NRXN1: variants seen among roughly 807,000 people sequenced by gnomAD.
The protein encoded by NRXN1 is neurexin 1.
A neutral mutation model predicts 150.9 loss-of-function variants in NRXN1; 39 were observed. The observed-to-expected ratio is 0.26, with a 90% CI of 0.20 to 0.34. The LOEUF is 0.34. NRXN1 is among the 10% of genes least tolerant of loss of function. The pLI is 1.00. For missense variants in NRXN1, 1,815 were observed against 1,949.9 expected, an observed-to-expected ratio of 0.93 and a Z score of 1.30; for synonymous variants, 924 against 757.0, an observed-to-expected ratio of 1.22 and a Z score of -3.62.
At chr2:50,540,217 G>T (rs2093357751) in intron 9 of NRXN1, among the ~76,000 whole-genome samples, 1 of 152,138 alleles carries the variant, frequency 6.6e-6, no homozygotes, top group African/African-American at 2.4e-5. Flanking sequence ...TTCCAATGAG[G>T]GGAGCAAAAT....
chr2:50,660,737 C>G (rs1687176929), intron 5 of NRXN1, among the ~76,000 whole-genome samples: 1 of 152,024 alleles, frequency 6.6e-6, no homozygotes, highest in African/African-American at 2.4e-5. Flanking sequence ...CTGGCTGTCT[C>G]TGACTTGAAT....
intron 17 of NRXN1, chr2:50,312,753 T>A (rs1367991479): frequency 1.9e-6 from 1 of 516,968 alleles, no homozygotes; most frequent in Non-Finnish European, 3.9e-6. Flanking sequence ...CAAATACATA[T>A]GTTGCAATTT....
intron 13 of NRXN1, among the ~76,000 whole-genome samples, chr2:50,504,113 TA>T: frequency 1.6e-5 from 2 of 121,696 alleles, no homozygotes; most frequent in East Asian, 4.7e-4. Context: ...TGTTCTAGAT[TA>T]AAGGAGGCTA....
intron 15 of NRXN1, among the ~76,000 whole-genome samples, chr2:50,479,331 T>C (rs2090250907): frequency 6.6e-6 from 1 of 152,138 alleles, no homozygotes. Flanking sequence ...GATGTTGTTC[T>C]TCAAAATCCT....
At chr2:50,403,069 C>T (rs1449284123) in intron 17 of NRXN1, among the ~76,000 whole-genome samples, 3 of 151,612 alleles carry the variant, frequency 2.0e-5, no homozygotes, top group Non-Finnish European at 4.4e-5. Context: ...CCAGGCTGGG[C>T]ACCCCAGGCA....
rs557272873 is a variant in NRXN1 at position 50,658,008 on chromosome 2, G to T, written c.833-34393C>A. 5.9e-5 allele frequency among the ~76,000 whole-genome samples: 9 copies of T among 152,060 alleles called. No homozygotes were observed. The South Asian group carries it at 1.9e-3, about 32-fold the overall frequency. On this transcript the variant is annotated intron_variant, in intron 5 of 22. Transcript: ENST00000401669. ...GTCTTTCTTTCCACCCTCAAAAGAGGTTTTTAGCCTTTACAATTAGCTTTT... is the reference window on the plus strand; with the variant it reads ...GTCTTTCTTTCCACCCTCAAAAGAGTTTTTTAGCCTTTACAATTAGCTTTT...
intron 18 of NRXN1, among the ~76,000 whole-genome samples, chr2:50,103,423 C>G (rs1416624374): frequency 6.6e-6 from 1 of 151,892 alleles, no homozygotes; most frequent in African/African-American, 2.4e-5. Flanking sequence ...AAGTTTTCAC[C>G]CTTGACCCTT....
At chr2:50,103,084 T>C (rs553284563) in intron 18 of NRXN1, among the ~76,000 whole-genome samples, 3 of 152,214 alleles carry the variant, frequency 2.0e-5, no homozygotes, top group African/African-American at 7.2e-5. Flanking sequence ...ATCTAATTGT[T>C]TATTCCTAAG....
intron 17 of NRXN1, among the ~76,000 whole-genome samples, chr2:50,323,149 G>A (rs1327696764): frequency 6.6e-6 from 1 of 152,126 alleles, no homozygotes. Context: ...CTATATGGTT[G>A]TTCAGAGTCT....
chr2:50,886,548 C>T (rs939425289), intron 5 of NRXN1, among the ~76,000 whole-genome samples: 2 of 151,206 alleles, frequency 1.3e-5, no homozygotes, highest in Non-Finnish European at 3.0e-5. Flanking sequence ...AGATTACAAA[C>T]AAAAAATAAT....
chr2:50,746,227 T>C (rs1700008500), intron 5 of NRXN1, among the ~76,000 whole-genome samples: 1 of 151,938 alleles, frequency 6.6e-6, no homozygotes, highest in Non-Finnish European at 1.5e-5. Context: ...AGCTCACTGG[T>C]GTGAGGGGCT....
intron 18 of NRXN1, among the ~76,000 whole-genome samples, chr2:50,224,693 A>AAGAGAGAGAGAGAGAGAGAGAGAGAGAG (rs201700032): frequency 1.5e-5 from 2 of 130,446 alleles, no homozygotes; most frequent in African/African-American, 2.9e-5. Flanking sequence ...GAGAGGGAGA[A>AAGAGAGAGAGAGAGAGAGAGAGAGAGAG]AGAGAGAGAG....
intron 5 of NRXN1, among the ~76,000 whole-genome samples, chr2:50,814,233 G>A (rs147731826): frequency 2.0e-5 from 3 of 152,178 alleles, no homozygotes; most frequent in African/African-American, 7.2e-5. Context: ...CTGGCCTCAA[G>A]GAATCCTCCT....
chr2:50,101,021 C>G (rs1700909221), intron 18 of NRXN1, among the ~76,000 whole-genome samples: 1 of 152,064 alleles, frequency 6.6e-6, no homozygotes, highest in East Asian at 1.9e-4. Flanking sequence ...GTATGAAAAT[C>G]TCAGCGTCAC....
intron 17 of NRXN1, among the ~76,000 whole-genome samples, chr2:50,449,958 T>C (rs1573016794): frequency 6.6e-6 from 1 of 152,310 alleles, no homozygotes; most frequent in East Asian, 1.9e-4. Flanking sequence ...AATCAACTTG[T>C]CTATGGCCAC....
intron 5 of NRXN1, among the ~76,000 whole-genome samples, chr2:50,902,103 G>A (rs1356854332): frequency 6.6e-6 from 1 of 152,072 alleles, no homozygotes; most frequent in Admixed American, 6.6e-5. Context: ...TTAGAAAAGC[G>A]TAACCTCAAT....
intron 5 of NRXN1, among the ~76,000 whole-genome samples, chr2:50,712,456 C>T (rs556983766): frequency 5.9e-5 from 9 of 152,288 alleles, no homozygotes; most frequent in African/African-American, 2.2e-4. Context: ...GACTCTTGCC[C>T]AGTGGTCAAC....
At chr2:50,396,688 A>T (rs189086444) in intron 17 of NRXN1, among the ~76,000 whole-genome samples, 1 of 152,156 alleles carries the variant, frequency 6.6e-6, no homozygotes, top group African/African-American at 2.4e-5. Context: ...AAGTATAACC[A>T]TAAAGGGACT....
chr2:50,132,996 C>T (rs1038608537), intron 18 of NRXN1, among the ~76,000 whole-genome samples: 2 of 151,892 alleles, frequency 1.3e-5, no homozygotes, highest in Non-Finnish European at 2.9e-5. Context: ...CATTATACTT[C>T]GTTTGGGTGT....
Sources: gnomAD v4.1 joint callset for allele counts (sites outside exome capture counted in the v4.1 genomes callset) on GRCh38, gnomAD v4.1.1 for gene constraint, MANE v1.5 for transcripts, NCBI Gene and HGNC (gene_info 2026-07-23, HGNC 2026-07-21) for gene names.